The following AK9 variants were observed in gnomAD, a reference collection of about 807,000 sequenced individuals.
The protein encoded by AK9 is adenylate kinase 9.
In AK9, 191 loss-of-function variants were observed where a neutral mutation model predicts 239.6. The observed-to-expected ratio is 0.80, with a 90% CI of 0.71 to 0.90. The LOEUF is 0.90. Among genes scored for constraint, AK9 ranks in the 40% least tolerant of loss-of-function variants. The pLI, the probability that AK9 is intolerant of heterozygous loss-of-function variation, is 0.00. For synonymous variants in AK9, 689 were observed against 721.0 expected (o/e 0.96, Z 0.71); for missense variants, 1,995 against 2,214.7 (o/e 0.90, Z 1.99).
chr6:109,514,606 C>T (rs1043750427), intron 31 of AK9, among the ~76,000 whole-genome samples, 169 bp from the exon 32 acceptor site: 3 of 152,142 alleles, frequency 2.0e-5, no homozygotes, highest in East Asian at 1.9e-4. Context: ...GAAAAGTACA[C>T]ATTATTTTAC....
intron 5 of AK9, among the ~76,000 whole-genome samples, chr6:109,670,272 CAATT>C (rs1394134441): frequency 5.9e-5 from 9 of 151,950 alleles, no homozygotes; most frequent in Admixed American, 2.0e-4. Context: ...CAAGGAATAA[CAATT>C]AATTTTTTAG....
At chr6:109,587,015 C>T (rs567892089) in intron 17 of AK9, among the ~76,000 whole-genome samples, 20 of 151,962 alleles carry the variant, frequency 1.3e-4, no homozygotes, top group Admixed American at 5.2e-4. Flanking sequence ...GCTATGTTGT[C>T]GAGGCTGGTT....
In AK9 at chr6:109,497,362, A is replaced by ACACACACACTCTCTCT. The variant is rs1554230922; in HGVS notation, c.5315+102_5315+103insAGAGAGAGTGTGTGTG. The ACACACACACTCTCTCT allele has an allele frequency of 8.0e-6, 4 of 500,428 alleles. No individual in the cohort carries two copies. In the African/African-American group the frequency reaches 1.1e-4, roughly 14 times the overall value. 31.0% of individuals were successfully genotyped at this position (500,428 alleles called of 1,614,324 possible). ...CACACACACACACACACACACACAC[A>ACACACACACTCTCTCT]CTCTCTCTCTCTCTCTCTCTCTCAC... On this transcript the variant is annotated intron_variant, in intron 38 of 40. Transcript: ENST00000424296.
At position 109,619,236 on chromosome 6, in the gene AK9, C is replaced by T. The variant is rs186769008; in HGVS notation, c.1255G>A (p.Val419Ile). The T allele has an allele frequency of 1.2e-4, 189 of 1,538,416 alleles. 1 individual carries two copies. The African/African-American group carries it at 2.0e-3, about 16-fold the overall frequency. ...NMLAENYKGK[V>I]VDYAQLVQPR... ...TGAACAAGTTGGGCATAGTCGACTA[C>T]CTGCAAAGAATATTTGAGAAAATCG... Residue 419 changes from valine (V) to isoleucine (I), a missense_variant and splice_region_variant, in exon 13 of 41, where the codon GTA (valine) becomes ATA (isoleucine). By Grantham distance (29) the Val-to-Ile change is conservative. This residue lies in a region of AK9 where 1,290 missense variants were observed against 1,392.7 expected (regional missense o/e 0.93). Transcript: ENST00000424296.
intron 27 of AK9, among the ~76,000 whole-genome samples, chr6:109,533,765 G>T (rs1257772640): frequency 6.6e-6 from 1 of 151,840 alleles, no homozygotes; most frequent in African/African-American, 2.4e-5. Flanking sequence ...TATCAAGTTG[G>T]ATTAAAATTA....
chr6:109,648,991 C>G (rs1306646364), intron 8 of AK9, among the ~76,000 whole-genome samples: 1 of 152,040 alleles, frequency 6.6e-6, no homozygotes, highest in Non-Finnish European at 1.5e-5. Flanking sequence ...AGACAAAAAC[C>G]ACATGATTAT....
chr6:109,569,647 G>T (rs1245206299), intron 21 of AK9, among the ~76,000 whole-genome samples: 1 of 152,132 alleles, frequency 6.6e-6, no homozygotes, highest in Admixed American at 6.5e-5. Flanking sequence ...CTCAAAAGAA[G>T]ACATTTCTGC....
intron 18 of AK9, among the ~76,000 whole-genome samples, 196 bp downstream of exon 18, chr6:109,585,720 T>A (rs991401472): frequency 3.3e-5 from 5 of 152,116 alleles, no homozygotes; most frequent in Non-Finnish European, 5.9e-5. Context: ...GCTAGAACAT[T>A]CAACCATCCG....
chr6:109,684,458 G>C (rs1773153841), intron 1 of AK9, among the ~76,000 whole-genome samples: 1 of 152,112 alleles, frequency 6.6e-6, no homozygotes, highest in Non-Finnish European at 1.5e-5. Context: ...AGAGTGAACA[G>C]GCAACCTACA....
At chr6:109,656,708 GAAACAC>G in intron 8 of AK9, 42 bp downstream of exon 8, 1 of 1,520,628 alleles carries the variant, frequency 6.6e-7, no homozygotes, top group South Asian at 1.2e-5. Flanking sequence ...AACCAGTGAT[GAAACAC>G]AAATATCAAT....
At chr6:109,592,003 CAT>C in intron 17 of AK9, among the ~76,000 whole-genome samples, 1 of 152,052 alleles carries the variant, frequency 6.6e-6, no homozygotes, top group South Asian at 2.1e-4. Context: ...ACAGAACTAA[CAT>C]CAGAATCATC....
intron 29 of AK9, among the ~76,000 whole-genome samples, chr6:109,523,052 G>A (rs533566088): frequency 7.2e-5 from 11 of 152,138 alleles, no homozygotes; most frequent in African/African-American, 2.4e-4. Context: ...TGACCTTAAG[G>A]AATTTTTCTG....
At chr6:109,507,025 G>A (rs1430714499) in intron 33 of AK9, among the ~76,000 whole-genome samples, 1 of 152,184 alleles carries the variant, frequency 6.6e-6, no homozygotes, top group Non-Finnish European at 1.5e-5. Flanking sequence ...AGTTCAGAAG[G>A]TGGGCGTAGG....
At position 109,661,226 on chromosome 6, in the gene AK9, C is replaced by T. The variant is rs562649684; in HGVS notation, c.444+1325G>A. Among the ~76,000 whole-genome samples, 3 of 152,286 alleles carry T rather than the reference C, an allele frequency of 2.0e-5. No homozygotes were observed. The East Asian group carries it at 5.8e-4, about 29-fold the overall frequency. Reference sequence around the variant, plus strand: ...GGATACTTCATGATCACACTTATAACATGAATGGGGTTAAGGACTTTATTC... The same window carrying T: ...GGATACTTCATGATCACACTTATAATATGAATGGGGTTAAGGACTTTATTC... On this transcript the variant is annotated intron_variant, in intron 6 of 40. Coordinates refer to ENST00000424296, the MANE Select transcript of AK9 (RefSeq NM_001145128.3).
rs1424122913 is a variant in AK9, at chr6:109,577,849, T to TTC, written c.2191+1700_2191+1701insGA. Among the ~76,000 whole-genome samples the TTC allele has an allele frequency of 6.0e-5, 9 of 149,186 alleles. No homozygotes were observed. In the East Asian group the frequency reaches 1.4e-3, roughly 23 times the overall value. ...AATATCTCCTTCCTTCCTTCCTTCC[T>TTC]CTCTCTTTTTCTTTCTTTCTTTTTC... On this transcript the variant is annotated intron_variant, in intron 20 of 40. Transcript: ENST00000424296.
intron 17 of AK9, among the ~76,000 whole-genome samples, chr6:109,609,689 A>G (rs1298308833): frequency 6.6e-6 from 1 of 152,220 alleles, no homozygotes; most frequent in Non-Finnish European, 1.5e-5. Flanking sequence ...AACATCCTAC[A>G]TATTTTTTTC....
At chr6:109,539,372 C>A (rs1452203062) in intron 27 of AK9, among the ~76,000 whole-genome samples, 2 of 152,206 alleles carry the variant, frequency 1.3e-5, no homozygotes, top group African/African-American at 4.8e-5. Flanking sequence ...ATCACTGATA[C>A]CCTTTCTTCC....
At chr6:109,633,384 T>C in intron 10 of AK9, 61 bp from the exon 11 acceptor site, 4 of 1,472,706 alleles carry the variant, frequency 2.7e-6, no homozygotes, top group Non-Finnish European at 3.6e-6. Context: ...ATTAGGAGCA[T>C]TAAATATTTC....
chr6:109,644,646 T>C lies in AK9; in HGVS notation c.802A>G (p.Asn268Asp). The C allele has an allele frequency of 6.2e-7, 1 of 1,613,134 alleles. No individual in the cohort carries two copies. The highest frequency in any genetic ancestry group is 1.7e-5 in the Admixed American group (1 of 59,956). The part of the protein sequence containing the change: ...EHNPQYLIEL[N>D]GNKPAEELFM... ...AGCTCCTCTGCTGGTTTATTTCCAT[T>C]TAGCTCAATGAGATACTGGGGATTG... Residue 268 changes from asparagine to aspartate, a missense_variant, in exon 9 of 41, where the codon AAT becomes GAT. This residue lies in a region of AK9 where 1,290 missense variants were observed against 1,392.7 expected (regional missense o/e 0.93). Coordinates refer to ENST00000424296, the MANE Select transcript of AK9 (RefSeq NM_001145128.3).
Sources: allele counts gnomAD v4.1 joint callset (sites outside exome capture counted in the v4.1 genomes callset), GRCh38; gene constraint gnomAD v4.1.1; regional missense constraint gnomAD v4.1.1; transcripts MANE v1.5; gene names NCBI Gene and HGNC (gene_info 2026-07-23, HGNC 2026-07-21).